The following KCNIP4 variants were observed in gnomAD, a reference collection of about 807,000 sequenced individuals.
KCNIP4 encodes potassium voltage-gated channel interacting protein 4.
In KCNIP4, 12 loss-of-function variants were observed where a neutral mutation model predicts 34.0. The ratio of observed to expected loss-of-function variants is 0.35; its 90% CI spans 0.23 to 0.57. The LOEUF is 0.57. Among genes scored for constraint, KCNIP4 ranks in the 20% least tolerant of loss-of-function variants. KCNIP4 has a pLI of 0.83. For missense variants in KCNIP4, 238 were observed against 311.7 expected, an observed-to-expected ratio of 0.76 and a Z score of 1.78; for synonymous variants, 124 against 102.2, an observed-to-expected ratio of 1.21 and a Z score of -1.29.
intron 1 of KCNIP4, among the ~76,000 whole-genome samples, chr4:21,253,839 C>CT (rs1172278881): frequency 4.6e-5 from 7 of 152,072 alleles, no homozygotes; most frequent in South Asian, 2.1e-4. Flanking sequence ...AATAAACCAG[C>CT]TAGATATGTG....
At chr4:21,180,116 A>T (rs888517651) in intron 1 of KCNIP4, among the ~76,000 whole-genome samples, 2 of 152,206 alleles carry the variant, frequency 1.3e-5, no homozygotes, top group Non-Finnish European at 2.9e-5. Context: ...GTCCACAAAG[A>T]CCACAAATAT....
At chr4:21,645,156 A>G (rs1467492017) in intron 1 of KCNIP4, among the ~76,000 whole-genome samples, 1 of 152,162 alleles carries the variant, frequency 6.6e-6, no homozygotes, top group Non-Finnish European at 1.5e-5. Context: ...TCATTCCAGT[A>G]TAGCTGGAAT....
intron 1 of KCNIP4, among the ~76,000 whole-genome samples, chr4:21,690,959 A>T (rs932327885): frequency 6.6e-5 from 10 of 152,228 alleles, no homozygotes; most frequent in Admixed American, 1.3e-4. Flanking sequence ...TCAAAGTAAA[A>T]GATAAACAAT....
chr4:21,399,823 C>A (rs1299843684), intron 1 of KCNIP4, among the ~76,000 whole-genome samples: 2 of 152,064 alleles, frequency 1.3e-5, no homozygotes, highest in Non-Finnish European at 2.9e-5. Context: ...TTAGGAAAAT[C>A]TGACAATTCT....
intron 1 of KCNIP4, among the ~76,000 whole-genome samples, chr4:21,112,014 A>G (rs1749224595): frequency 1.1e-5 from 1 of 94,608 alleles, no homozygotes; most frequent in Admixed American, 1.0e-4. Context: ...CAACAAATCT[A>G]TCCTTTCTCT....
intron 1 of KCNIP4, among the ~76,000 whole-genome samples, chr4:21,423,312 T>A (rs1241253241): frequency 6.6e-6 from 1 of 152,242 alleles, no homozygotes; most frequent in African/African-American, 2.4e-5. Context: ...CAAAAGAAAC[T>A]GCAAAAAACA....
At chr4:21,360,709 C>T (rs1478640195) in intron 1 of KCNIP4, among the ~76,000 whole-genome samples, 3 of 152,036 alleles carry the variant, frequency 2.0e-5, no homozygotes. Context: ...TGCACCACCA[C>T]TTCTTTTATA....
chr4:20,952,684 T>TA (rs1732901345), intron 1 of KCNIP4, among the ~76,000 whole-genome samples: 1 of 152,246 alleles, frequency 6.6e-6, no homozygotes, highest in Non-Finnish European at 1.5e-5. Flanking sequence ...ATGCCAGATT[T>TA]AAAAAATTAA....
At chr4:21,216,126 G>A (rs779154326) in intron 1 of KCNIP4, among the ~76,000 whole-genome samples, 11 of 152,282 alleles carry the variant, frequency 7.2e-5, no homozygotes, top group Middle Eastern at 3.4e-3. Flanking sequence ...TGCAAAGGGC[G>A]GTTGAGAAAT....
At chr4:21,850,070 T>C (rs970048033) in intron 1 of KCNIP4, 12 of 152,144 alleles carry the variant, frequency 7.9e-5, no homozygotes, top group Non-Finnish European at 1.5e-4. Flanking sequence ...AACAGAGTTA[T>C]TTTGTGAGAT....
chr4:20,856,468 C>T (rs918869058), intron 2 of KCNIP4, among the ~76,000 whole-genome samples: 2 of 152,174 alleles, frequency 1.3e-5, no homozygotes, highest in Admixed American at 1.3e-4. Context: ...TCTTGTATAG[C>T]ATGTAAAACA....
intron 1 of KCNIP4, among the ~76,000 whole-genome samples, chr4:21,435,793 G>C (rs748930995): frequency 6.6e-6 from 1 of 152,006 alleles, no homozygotes; most frequent in Non-Finnish European, 1.5e-5. Flanking sequence ...CAGAATGTTT[G>C]CAGGCACCTT....
intron 1 of KCNIP4, among the ~76,000 whole-genome samples, chr4:21,050,194 C>A (rs1005381402): frequency 9.2e-5 from 14 of 152,084 alleles, no homozygotes; most frequent in African/African-American, 2.9e-4. Context: ...TATTTTTAAG[C>A]CATTTTGGTC....
chr4:21,712,018 C>CT (rs1713767613), intron 1 of KCNIP4, among the ~76,000 whole-genome samples: 1 of 152,106 alleles, frequency 6.6e-6, no homozygotes, highest in Non-Finnish European at 1.5e-5. Flanking sequence ...AACCTGTGCT[C>CT]TAAAGCATTG....
chr4:20,920,591 C>G (rs1370566286), intron 1 of KCNIP4, among the ~76,000 whole-genome samples: 1 of 152,108 alleles, frequency 6.6e-6, no homozygotes, highest in Non-Finnish European at 1.5e-5. Context: ...GGACTTTTGT[C>G]TAGTCATGTT....
chr4:21,908,028 A>T (rs2108977518), intron 1 of KCNIP4, among the ~76,000 whole-genome samples: 1 of 152,224 alleles, frequency 6.6e-6, no homozygotes, highest in South Asian at 2.1e-4. Flanking sequence ...ATTAAATGGG[A>T]GGTTACTCTC....
chr4:20,769,237 T>C, intron 3 of KCNIP4, among the ~76,000 whole-genome samples: 1 of 152,192 alleles, frequency 6.6e-6, no homozygotes. Context: ...GATTCTAGCA[T>C]AATACTAAAC....
chr4:21,627,039 A>ACT (rs1403356351), intron 1 of KCNIP4, among the ~76,000 whole-genome samples: 1 of 152,138 alleles, frequency 6.6e-6, no homozygotes, highest in Non-Finnish European at 1.5e-5. Flanking sequence ...TTGTTTTATA[A>ACT]CTGAATGCTG....
At chr4:21,556,930 A>AAAAAAAAAAAAAAAAACAAAAC (rs1553903108) in intron 1 of KCNIP4, among the ~76,000 whole-genome samples, 1 of 108,194 alleles carries the variant, frequency 9.2e-6, no homozygotes, top group African/African-American at 3.2e-5. Flanking sequence ...CAGAAAAAAA[A>AAAAAAAAAAAAAAAAACAAAAC]AAAAAAAAAA....
Sources: gnomAD v4.1 joint callset for allele counts (sites outside exome capture counted in the v4.1 genomes callset) on GRCh38, gnomAD v4.1.1 for gene constraint, MANE v1.5 for transcripts, NCBI Gene and HGNC (gene_info 2026-07-23, HGNC 2026-07-21) for gene names.